Variants in LGMN observed in about 807,000 individuals in gnomAD.
LGMN encodes the protein asparaginyl endopeptidase.
In LGMN, 36 loss-of-function variants were observed where a neutral mutation model predicts 56.8. The ratio of observed to expected loss-of-function variants is 0.63; its 90% CI spans 0.49 to 0.84. LGMN has a LOEUF of 0.84. Ranked by LOEUF, LGMN falls within the 40% of genes least tolerant of loss-of-function variation. The pLI, the probability that LGMN is intolerant of heterozygous loss-of-function variation, is 0.00. For synonymous variants in LGMN, 199 were observed against 210.1 expected (o/e 0.95, Z 0.46); for missense variants, 446 against 556.1 (o/e 0.80, Z 1.99).
chr14:92,709,734 T>A lies in LGMN; in HGVS notation c.958A>T (p.Met320Leu), dbSNP rs777103735. 9 of 1,613,978 alleles carry A rather than the reference T, an allele frequency of 5.6e-6. No homozygotes were observed. The highest frequency in any genetic ancestry group is 5.9e-6 in the Non-Finnish European group (7 of 1,179,998). ...GACTCCTCCAGATCATTGGTGTTCATCAGTTTCCTTTTCATGATGGTGAGA... is the reference window on the plus strand; with the variant it reads ...GACTCCTCCAGATCATTGGTGTTCAACAGTTTCCTTTTCATGATGGTGAGA... The part of the protein sequence containing the change: ...VPLTIMKRKL[M>L]NTNDLEESRQ... The change falls in exon 11 of 14, where the codon ATG becomes TTG. Residue 320 changes from methionine (M) to leucine (L), a missense_variant. Physicochemically the swap from Met to Leu is conservative, Grantham distance 15. Coordinates refer to ENST00000334869, the MANE Select transcript of LGMN (RefSeq NM_005606.7).
chr14:92,719,200 A>ACATATAT (rs1566923836), intron 2 of LGMN, among the ~76,000 whole-genome samples: 3 of 118,118 alleles, frequency 2.5e-5, no homozygotes, highest in Admixed American at 8.1e-5. Flanking sequence ...CACCGCCACC[A>ACATATAT]ACACCACCAC....
At chr14:92,733,042 G>A (rs1799521621) in intron 1 of LGMN, among the ~76,000 whole-genome samples, 2 of 151,626 alleles carry the variant, frequency 1.3e-5, no homozygotes, top group African/African-American at 4.9e-5. Context: ...CCAGCTACTC[G>A]GGAGGCTGAG....
Position 92,732,811 on chromosome 14 carries a change from G to C in LGMN, c.-25C>G. 2.5e-6 allele frequency: 4 copies of C among 1,609,772 alleles called. No homozygotes were observed. The highest frequency in any genetic ancestry group is 3.4e-6 in the Non-Finnish European group (4 of 1,178,358). ...TTCTGCACCTTGGAGTTCAATTGCA[G>C]ACACCTGAGAAGGGAAACACAGAGT... On this transcript the variant is annotated 5_prime_UTR_variant, in exon 2 of 14. Coordinates refer to ENST00000334869, the MANE Select transcript of LGMN (RefSeq NM_005606.7).
chr14:92,732,852 A>G, intron 1 of LGMN, 37 bp from the exon 2 acceptor site: 1 of 1,558,234 alleles, frequency 6.4e-7, no homozygotes, highest in East Asian at 2.3e-5. Flanking sequence ...ACAAAGCAAC[A>G]AGAACTGATA....
chr14:92,738,674 C>T (rs181549801), intron 1 of LGMN, among the ~76,000 whole-genome samples: 5 of 152,120 alleles, frequency 3.3e-5, no homozygotes, highest in East Asian at 1.9e-4. Context: ...CTGACTACAA[C>T]GCTATATTAA....
intron 2 of LGMN, among the ~76,000 whole-genome samples, chr14:92,725,368 G>A (rs1595549031): frequency 6.6e-6 from 1 of 152,028 alleles, no homozygotes; most frequent in Admixed American, 6.6e-5. Context: ...GGGAAACATA[G>A]CAAGACTTCA....
chr14:92,717,329 T>C, intron 4 of LGMN, 51 bp downstream of exon 4: 1 of 1,103,386 alleles, frequency 9.1e-7, no homozygotes, highest in Non-Finnish European at 1.3e-6. Flanking sequence ...GGAAAAATCA[T>C]CACTAAAATG....
At chr14:92,736,059 C>T (rs980167115) in intron 1 of LGMN, among the ~76,000 whole-genome samples, 1 of 152,176 alleles carries the variant, frequency 6.6e-6, no homozygotes, top group Non-Finnish European at 1.5e-5. Flanking sequence ...AATGTGCAAG[C>T]AAGCTTATTC....
intron 2 of LGMN, among the ~76,000 whole-genome samples, chr14:92,723,066 A>G (rs1362053061): frequency 1.4e-5 from 2 of 147,932 alleles, no homozygotes; most frequent in Admixed American, 1.3e-4. Context: ...TTTTTTTTTG[A>G]GACAGAGTCT....
At chr14:92,719,353 A>ACCG (rs1890332996) in intron 2 of LGMN, among the ~76,000 whole-genome samples, 1 of 126,126 alleles carries the variant, frequency 7.9e-6, no homozygotes, top group South Asian at 2.6e-4. Flanking sequence ...CGCCACCACC[A>ACCG]CCAACACCAC....
rs373314153 is a variant in LGMN at position 92,704,724 on chromosome 14, G to A, written c.1192-17C>T. The A allele has an allele frequency of 5.2e-5, 84 of 1,605,042 alleles. 1 individual carries two copies. In the African/African-American group the frequency reaches 9.7e-4, roughly 19 times the overall value. On this transcript the variant is annotated splice_polypyrimidine_tract_variant and intron_variant, in intron 12 of 13. Coordinates refer to ENST00000334869, the MANE Select transcript of LGMN (RefSeq NM_005606.7). ...ATACTCGTACTGGGAGAAAACAAACGAGAAGAATGAAACTTCCTCATCTCA... is the reference window on the plus strand; with the variant it reads ...ATACTCGTACTGGGAGAAAACAAACAAGAAGAATGAAACTTCCTCATCTCA...
chr14:92,713,999 G>C, intron 6 of LGMN, 114 bp from the exon 7 acceptor site: 2 of 817,188 alleles, frequency 2.4e-6, no homozygotes, highest in South Asian at 2.8e-5. Context: ...ATCCCTAGAA[G>C]TAATCATGGT....
intron 10 of LGMN, 27 bp downstream of exon 10, chr14:92,711,632 G>C: frequency 6.3e-7 from 1 of 1,593,588 alleles, no homozygotes. Context: ...AGGAACAGAG[G>C]GCCAGCACGC....
chr14:92,717,584 G>A, intron 3 of LGMN, 123 bp from the exon 4 acceptor site: 1 of 679,254 alleles, frequency 1.5e-6, no homozygotes, highest in Non-Finnish European at 2.6e-6. Flanking sequence ...AACAACTTAT[G>A]GCCTGCAGGG....
At chr14:92,712,010 C>T (rs1249970903) in intron 8 of LGMN, 55 bp from the exon 9 acceptor site, 7 of 1,350,718 alleles carry the variant, frequency 5.2e-6, no homozygotes, top group African/African-American at 2.9e-5. Context: ...CCTTGGATTA[C>T]GCTTGAAGCT....
rs774225500 is a variant in LGMN at position 92,704,222 on chromosome 14, C to G, written c.*97G>C. On this transcript the variant is annotated 3_prime_UTR_variant, in exon 14 of 14. Coordinates refer to ENST00000334869, the MANE Select transcript of LGMN (RefSeq NM_005606.7). ...GGAGCGGGGGCTCCCCAGGAGGGCC[C>G]GAGCAGCGGAGACTTCTCACTCCAC... is the stretch of plus-strand genomic sequence containing the variant. The G allele has an allele frequency of 3.3e-6, 5 of 1,533,302 alleles. No homozygotes were observed. The East Asian group carries it at 9.0e-5, about 28-fold the overall frequency. 95.0% of individuals were successfully genotyped at this position (1,533,302 alleles called of 1,614,324 possible).
chr14:92,732,622 CA>C (rs761673019), intron 2 of LGMN, 26 bp downstream of exon 2: 2 of 1,608,636 alleles, frequency 1.2e-6, no homozygotes, highest in South Asian at 1.1e-5. Context: ...GTGTCCTTAA[CA>C]AAAAAAAGAT....
intron 2 of LGMN, 77 bp downstream of exon 2, chr14:92,732,572 T>C (rs1054839395): frequency 2.0e-5 from 30 of 1,510,296 alleles, no homozygotes; most frequent in Non-Finnish European, 2.7e-5. Context: ...GTCTTTTCTA[T>C]TTAATATTAA....
chr14:92,703,958 A>C lies in LGMN; in HGVS notation c.*361T>G. 1.7e-6 allele frequency: 1 copy of C among 582,626 alleles called. No individual in the cohort carries two copies. The highest frequency in any genetic ancestry group is 3.0e-6 in the Non-Finnish European group (1 of 329,974). 36.1% of individuals were successfully genotyped at this position (582,626 alleles called of 1,614,324 possible). ...CAATAAAATCATTCTGAAGATTTAA[A>C]GAGGTTTCAGCTTCAAATTCTCAGA... On this transcript the variant is annotated 3_prime_UTR_variant, in exon 14 of 14. Coordinates refer to ENST00000334869, the MANE Select transcript of LGMN (RefSeq NM_005606.7).
Sources: allele counts gnomAD v4.1 joint callset (sites outside exome capture counted in the v4.1 genomes callset), GRCh38; gene constraint gnomAD v4.1.1; transcripts MANE v1.5; gene names NCBI Gene and HGNC (gene_info 2026-07-23, HGNC 2026-07-21).